The following CADPS2 variants were observed in gnomAD, a reference collection of about 807,000 sequenced individuals.
CADPS2 encodes the protein calcium-dependent secretion activator 2.
In CADPS2, 93 loss-of-function variants were observed where a neutral mutation model predicts 172.5. The observed-to-expected ratio is 0.54, with a 90% CI of 0.46 to 0.64. CADPS2 has a LOEUF of 0.64. Among genes scored for constraint, CADPS2 ranks in the 30% least tolerant of loss-of-function variants. The probability of loss-of-function intolerance (pLI) is 0.00; values close to 1 mark genes in which losing one functional copy is unlikely to be tolerated. For synonymous variants in CADPS2, 546 were observed against 555.2 expected, an observed-to-expected ratio of 0.98 and a Z score of 0.23; for missense variants, 1,420 against 1,565.9, an observed-to-expected ratio of 0.91 and a Z score of 1.57.
chr7:122,653,639 G>A (rs1266352791), intron 3 of CADPS2, among the ~76,000 whole-genome samples: 1 of 152,138 alleles, frequency 6.6e-6, no homozygotes, highest in African/African-American at 2.4e-5. Flanking sequence ...GCAATCCTGA[G>A]TCAAGCAAGT....
At chr7:122,738,077 G>C (rs190315557) in intron 1 of CADPS2, among the ~76,000 whole-genome samples, 9 of 152,174 alleles carry the variant, frequency 5.9e-5, no homozygotes, top group Admixed American at 5.9e-4. Flanking sequence ...CTCTGAACTG[G>C]GGAAGTTTAC....
chr7:122,669,355 A>ATAT lies in CADPS2; in HGVS notation c.454-5787_454-5786insATA, dbSNP rs1554708351. On this transcript the variant is annotated intron_variant, in intron 2 of 29. Coordinates refer to ENST00000449022, the MANE Select transcript of CADPS2 (RefSeq NM_017954.11). The stretch of plus-strand genomic sequence containing the variant: ...AAAGAAAAAATATATATATATATAT[A>ATAT]TTTTTTTTTTTTGAGAAAAAGTAAT... Among the ~76,000 whole-genome samples, 107 of 139,508 alleles carry ATAT rather than the reference A, an allele frequency of 7.7e-4. 1 individual carries two copies. The South Asian group carries it at 0.012, about 16-fold the overall frequency. 91.5% of individuals were successfully genotyped at this position (139,508 alleles called of 152,430 possible). A position where few individuals can be genotyped will look rare whatever the true frequency, so the allele number is the denominator to read the frequency against.
intron 2 of CADPS2, among the ~76,000 whole-genome samples, chr7:122,735,658 T>A (rs527876530): frequency 6.6e-6 from 1 of 152,262 alleles, no homozygotes; most frequent in South Asian, 2.1e-4. Flanking sequence ...CCCCTGCTGA[T>A]CCAATTTCAG....
chr7:122,793,699 G>C (rs1217233617), intron 1 of CADPS2, among the ~76,000 whole-genome samples: 2 of 152,122 alleles, frequency 1.3e-5, no homozygotes, highest in Admixed American at 6.5e-5. Context: ...TTGCAGACTT[G>C]TTTATGTGGT....
At chr7:122,764,214 C>T (rs1021639058) in intron 1 of CADPS2, among the ~76,000 whole-genome samples, 1 of 152,024 alleles carries the variant, frequency 6.6e-6, no homozygotes, top group Non-Finnish European at 1.5e-5. Context: ...AGGCTGAAGA[C>T]CCTCTTACGT....
At chr7:122,333,831 G>C (rs1440151646) in intron 28 of CADPS2, among the ~76,000 whole-genome samples, 3 of 151,750 alleles carry the variant, frequency 2.0e-5, no homozygotes, top group Non-Finnish European at 4.4e-5. Context: ...CTGGCACAGA[G>C]CATGCATTCA....
chr7:122,471,471 G>A lies in CADPS2; in HGVS notation c.2090C>T (p.Ala697Val), dbSNP rs750873025. 1.9e-6 allele frequency: 3 copies of A among 1,613,314 alleles called. No homozygotes were observed. Among genetic ancestry groups the A allele is most frequent in the Non-Finnish European group, 1.7e-6 (2 of 1,179,666 alleles). Residue 697 changes from alanine (A) to valine (V), a missense_variant, in exon 14 of 30, where the codon GCA becomes GTA. Physicochemically the swap from Ala to Val is moderately conservative, Grantham distance 64. Transcript: ENST00000449022. ...ATTTTCTGAATGTTCCATCAGTTCTGCAAGGTAGCAGAGATGTCTGTGACA... is the reference window on the plus strand; with the variant it reads ...ATTTTCTGAATGTTCCATCAGTTCTACAAGGTAGCAGAGATGTCTGTGACA... ...RGCHRHLCYL[A>V]ELMEHSENGA...
chr7:122,721,333 C>T (rs535864394), intron 2 of CADPS2, among the ~76,000 whole-genome samples: 79 of 151,904 alleles, frequency 5.2e-4, no homozygotes, highest in African/African-American at 5.6e-4. Context: ...ATCAAATAGA[C>T]GCAATAAAAA....
At chr7:122,585,572 C>T (rs147382543) in intron 6 of CADPS2, 7 of 151,462 alleles carry the variant, frequency 4.6e-5, no homozygotes, top group Admixed American at 6.6e-5. Context: ...TAAACCCTGT[C>T]GGTAATTAAT....
intron 7 of CADPS2, among the ~76,000 whole-genome samples, chr7:122,561,573 GC>G (rs2132221638): frequency 6.6e-6 from 1 of 152,172 alleles, no homozygotes; most frequent in African/African-American, 2.4e-5. Context: ...TATGAAGGGG[GC>G]ATTAGGCAAG....
chr7:122,807,994 T>A (rs186982205), intron 1 of CADPS2, among the ~76,000 whole-genome samples: 19 of 152,314 alleles, frequency 1.2e-4, no homozygotes, highest in African/African-American at 4.6e-4. Context: ...CAAATCCAGT[T>A]CAGATAGCTC....
chr7:122,871,027 A>G (rs1819604513), intron 1 of CADPS2, among the ~76,000 whole-genome samples: 1 of 152,050 alleles, frequency 6.6e-6, no homozygotes, highest in African/African-American at 2.4e-5. Context: ...AGCAAATATT[A>G]ATCACTTTAT....
chr7:122,496,204 C>G (rs1205932744), intron 9 of CADPS2, among the ~76,000 whole-genome samples: 3 of 152,044 alleles, frequency 2.0e-5, no homozygotes, highest in African/African-American at 7.2e-5. Flanking sequence ...CTCTGTAGCC[C>G]AGGCTGGAGT....
At chr7:122,415,561 T>C (rs2047791771) in intron 18 of CADPS2, among the ~76,000 whole-genome samples, 1 of 145,718 alleles carries the variant, frequency 6.9e-6, no homozygotes, top group Non-Finnish European at 1.5e-5. Context: ...CCTTTGTTAC[T>C]GCAGTCTTGC....
chr7:122,786,928 C>T (rs1262026287), intron 1 of CADPS2, among the ~76,000 whole-genome samples: 2 of 152,152 alleles, frequency 1.3e-5, no homozygotes, highest in Non-Finnish European at 2.9e-5. Flanking sequence ...TCCATGAGAA[C>T]AGGTCATGGA....
At chr7:122,723,127 C>T (rs1220535399) in intron 2 of CADPS2, among the ~76,000 whole-genome samples, 1 of 152,068 alleles carries the variant, frequency 6.6e-6, no homozygotes, top group Non-Finnish European at 1.5e-5. Flanking sequence ...TGGGCAAGGA[C>T]TTCATGTCTA....
At chr7:122,587,099 T>C (rs1453913810) in intron 6 of CADPS2, among the ~76,000 whole-genome samples, 3 of 146,646 alleles carry the variant, frequency 2.0e-5, no homozygotes, top group African/African-American at 7.4e-5. Flanking sequence ...TCATGCTGAA[T>C]TTTTTTTTTT....
intron 1 of CADPS2, among the ~76,000 whole-genome samples, chr7:122,857,763 G>A (rs193139822): frequency 2.3e-4 from 35 of 152,236 alleles, no homozygotes; most frequent in Admixed American, 2.1e-3. Flanking sequence ...CCTTCTGGTG[G>A]GTTCGTGGTC....
intron 28 of CADPS2, chr7:122,330,873 G>A (rs1360284000): frequency 6.6e-6 from 1 of 152,204 alleles, no homozygotes; most frequent in Non-Finnish European, 1.5e-5. Context: ...GCTGGATTGA[G>A]TCTGTTACGC....
Sources: gnomAD v4.1 joint callset for allele counts (sites outside exome capture counted in the v4.1 genomes callset) on GRCh38, gnomAD v4.1.1 for gene constraint, MANE v1.5 for transcripts, NCBI Gene and HGNC (gene_info 2026-07-23, HGNC 2026-07-21) for gene names.